KIAA1958: variants seen among roughly 807,000 people sequenced by gnomAD.
KIAA1958 encodes the protein KIAA1958.
Under a neutral mutation model 47.2 loss-of-function variants are expected in KIAA1958, and 14 were observed. The observed-to-expected ratio is 0.30, with a 90% CI of 0.20 to 0.46. The LOEUF (loss-of-function observed/expected upper bound fraction) is 0.46, where lower values mean the gene tolerates loss of function less well. KIAA1958 is among the 20% of genes least tolerant of loss of function. The pLI, the probability that KIAA1958 is intolerant of heterozygous loss-of-function variation, is 1.00. For missense variants in KIAA1958, 803 were observed against 909.2 expected (o/e 0.88, Z 1.50); for synonymous variants, 354 against 353.3 (o/e 1.00, Z -0.02).
intron 1 of KIAA1958, among the ~76,000 whole-genome samples, chr9:112,527,677 C>G (rs745385086): frequency 6.6e-6 from 1 of 152,098 alleles, no homozygotes; most frequent in East Asian, 1.9e-4. Context: ...TCACTCACTC[C>G]TGTAATCCCA....
At chr9:112,521,544 AT>A (rs956527651) in intron 1 of KIAA1958, among the ~76,000 whole-genome samples, 2 of 152,068 alleles carry the variant, frequency 1.3e-5, no homozygotes, top group Non-Finnish European at 2.9e-5. Context: ...TTAGAATAAT[AT>A]TTTTTAAAGA....
chr9:112,552,677 G>A (rs1351061039), intron 1 of KIAA1958, among the ~76,000 whole-genome samples: 4 of 152,160 alleles, frequency 2.6e-5, no homozygotes, highest in Non-Finnish European at 5.9e-5. Flanking sequence ...CAAGGAAAAC[G>A]CTCCTCTTTC....
intron 1 of KIAA1958, among the ~76,000 whole-genome samples, chr9:112,487,999 G>T (rs564937314): frequency 2.0e-5 from 3 of 150,178 alleles, no homozygotes; most frequent in South Asian, 4.2e-4. Flanking sequence ...GTAAAGTTTT[G>T]TTTTTTCCCG....
At chr9:112,604,111 G>A (rs563257078) in intron 2 of KIAA1958, among the ~76,000 whole-genome samples, 11 of 152,222 alleles carry the variant, frequency 7.2e-5, no homozygotes, top group African/African-American at 2.6e-4. Context: ...GAAGCAAATG[G>A]ATCTGAATTT....
intron 1 of KIAA1958, among the ~76,000 whole-genome samples, chr9:112,572,693 A>C (rs1045541453): frequency 1.3e-5 from 2 of 152,198 alleles, no homozygotes; most frequent in Admixed American, 1.3e-4. Context: ...CAAGCCAAAG[A>C]ATCAGATTCT....
chr9:112,525,666 G>C (rs1834626318), intron 1 of KIAA1958, among the ~76,000 whole-genome samples: 1 of 151,916 alleles, frequency 6.6e-6, no homozygotes, highest in Non-Finnish European at 1.5e-5. Context: ...CTATTACTTA[G>C]TTCTTTTTTA....
At chr9:112,531,844 G>A (rs138797710) in intron 1 of KIAA1958, among the ~76,000 whole-genome samples, 2 of 152,256 alleles carry the variant, frequency 1.3e-5, no homozygotes, top group East Asian at 1.9e-4. Flanking sequence ...AAAGGTTAAC[G>A]CTCATGTTGA....
At chr9:112,562,209 G>A (rs1835344467) in intron 1 of KIAA1958, among the ~76,000 whole-genome samples, 1 of 152,150 alleles carries the variant, frequency 6.6e-6, no homozygotes, top group African/African-American at 2.4e-5. Context: ...AATTTCAGGT[G>A]AGCAATTATG....
chr9:112,488,915 C>A (rs1833915606), intron 1 of KIAA1958, among the ~76,000 whole-genome samples: 1 of 152,104 alleles, frequency 6.6e-6, no homozygotes, highest in South Asian at 2.1e-4. Context: ...TTGTAAATGC[C>A]TGGAGCGTAG....
chr9:112,528,933 C>A (rs1220611343), intron 1 of KIAA1958, among the ~76,000 whole-genome samples: 1 of 152,108 alleles, frequency 6.6e-6, no homozygotes, highest in Admixed American at 6.5e-5. Flanking sequence ...ATTTCTTGAC[C>A]AGTATTAGGT....
intron 1 of KIAA1958, among the ~76,000 whole-genome samples, chr9:112,571,472 G>A (rs1212793692): frequency 2.6e-5 from 4 of 152,114 alleles, no homozygotes; most frequent in Admixed American, 1.3e-4. Context: ...TTCCATTTAC[G>A]TGTCCTTGGC....
rs767433580 is a variant in KIAA1958 at position 112,618,271 on chromosome 9, C to T, written c.1172-27379C>T. On this transcript the variant is annotated intron_variant, in intron 2 of 3. Coordinates refer to ENST00000337530, the MANE Select transcript of KIAA1958 (RefSeq NM_133465.4). The surrounding 1 kb of genome is among the most constrained non-coding windows in gnomAD (Gnocchi z 7.1). ...AGTCCATGAAGCTCACCTTTGCTGA[C>T]GAGCTCATCCTGCGGAAAAGGGGAC... 4.5e-6 allele frequency: 7 copies of T among 1,550,888 alleles called. No individual in the cohort carries two copies. Among genetic ancestry groups the T allele is most frequent in the South Asian group, 1.2e-5 (1 of 84,060 alleles).
intron 1 of KIAA1958, among the ~76,000 whole-genome samples, chr9:112,522,478 A>G (rs1341135860): frequency 6.6e-6 from 1 of 152,090 alleles, no homozygotes; most frequent in Non-Finnish European, 1.5e-5. Flanking sequence ...GTCACATTTT[A>G]TATCTGTCCA....
At chr9:112,563,390 T>A (rs1220845459) in intron 1 of KIAA1958, among the ~76,000 whole-genome samples, 2 of 152,194 alleles carry the variant, frequency 1.3e-5, no homozygotes, top group African/African-American at 4.8e-5. Context: ...ATTTAGGTCA[T>A]GTTTAATTTC....
chr9:112,570,804 A>G (rs868701956), intron 1 of KIAA1958, among the ~76,000 whole-genome samples: 3 of 152,328 alleles, frequency 2.0e-5, no homozygotes, highest in Admixed American at 6.5e-5. Context: ...GTCTTACAAC[A>G]GGCTGTCTGC....
rs759108781 is a variant in KIAA1958, at chr9:112,659,529, CGAG to C, written c.1618_1620del (p.Glu540del). The C allele has an allele frequency of 7.4e-6, 12 of 1,613,222 alleles. No individual in the cohort carries two copies. The highest frequency in any genetic ancestry group is 4.5e-5 in the East Asian group (2 of 44,836). On this transcript the variant is annotated inframe_deletion, in exon 4 of 4. Transcript: ENST00000337530. ...ACATCGTCTACTTCTCCCTTTCTGA[CGAG>C]GAGGAGATGTGGCAGGCAGGGTGTC...
intron 2 of KIAA1958, among the ~76,000 whole-genome samples, chr9:112,591,976 C>G (rs1835931161): frequency 6.6e-6 from 1 of 152,164 alleles, no homozygotes; most frequent in Non-Finnish European, 1.5e-5. Flanking sequence ...CCCTGACGCA[C>G]GTGGCCCTTG....
chr9:112,551,180 A>G (rs1835139937), intron 1 of KIAA1958, among the ~76,000 whole-genome samples: 1 of 152,060 alleles, frequency 6.6e-6, no homozygotes, highest in Admixed American at 6.6e-5. Context: ...ATGCATTCAC[A>G]TGTTATATAA....
chr9:112,618,445 G>T lies in KIAA1958; in HGVS notation c.1172-27205G>T. 1 of 1,551,128 alleles carries T rather than the reference G, an allele frequency of 6.4e-7. No homozygotes were observed. Among genetic ancestry groups the T allele is most frequent in the Non-Finnish European group, 8.7e-7 (1 of 1,147,126 alleles). On this transcript the variant is annotated intron_variant, in intron 2 of 3. Transcript: ENST00000337530. This position sits in a 1 kb window ranked among gnomAD's most constrained non-coding sequence, Gnocchi z 7.1. ...TAACAGAGACGGGTCTCGAGTACTTGGAGTGGATGGGTCAGGACACTGGAG... is the reference window on the plus strand; with the variant it reads ...TAACAGAGACGGGTCTCGAGTACTTTGAGTGGATGGGTCAGGACACTGGAG...
Sources: gnomAD v4.1 joint callset for allele counts (sites outside exome capture counted in the v4.1 genomes callset) on GRCh38, gnomAD v4.1.1 for gene constraint, Gnocchi (gnomAD v3.1) non-coding constraint, MANE v1.5 for transcripts, NCBI Gene and HGNC (gene_info 2026-07-23, HGNC 2026-07-21) for gene names.